The following EPS8 variants were observed in gnomAD, a reference collection of about 807,000 sequenced individuals.
EPS8 encodes the protein EGFR pathway substrate 8, signaling adaptor.
Under a neutral mutation model 103.8 loss-of-function variants are expected in EPS8, and 42 were observed. The observed-to-expected ratio is 0.40, with a 90% CI of 0.32 to 0.52. EPS8 has a LOEUF of 0.52. Ranked by LOEUF, EPS8 falls within the 20% of genes least tolerant of loss-of-function variation. The pLI is 0.40. For missense variants in EPS8, 969 were observed against 1,005.1 expected (o/e 0.96, Z 0.49); for synonymous variants, 344 against 344.6 (o/e 1.00, Z 0.02).
chr12:15,670,870 G>C lies in EPS8; in HGVS notation c.190C>G (p.Gln64Glu). ...AAGCATCTTACTTCAACACGGTATT[G>C]AGATATATCTGACACACTGCTGACA... Reference protein sequence around the residue: ...DSVSSVSDISQYRVEHLTTFV... With the variant: ...DSVSSVSDISEYRVEHLTTFV... Residue 64 changes from glutamine to glutamate, a missense_variant, in exon 4 of 21, where the codon CAA becomes GAA. By Grantham distance (29) the Gln-to-Glu change is conservative. Transcript: ENST00000281172. 6.2e-7 allele frequency: 1 copy of C among 1,610,074 alleles called. No homozygotes were observed. The highest frequency in any genetic ancestry group is 1.1e-5 in the South Asian group (1 of 90,758).
rs12308962 is a variant in EPS8 at position 15,621,779 on chromosome 12, C to A, written c.2356-349G>T. Reference sequence around the variant, plus strand: ...TAAATTATCAAAGGACTCTTTTGGGCTCAAACAAGATACTGATCTGCCTTT... The same window carrying A: ...TAAATTATCAAAGGACTCTTTTGGGATCAAACAAGATACTGATCTGCCTTT... On this transcript the variant is annotated intron_variant, in intron 20 of 20. Transcript: ENST00000281172. Among the ~76,000 whole-genome samples the A allele has an allele frequency of 9.6e-3, 1,461 of 152,176 alleles. 22 individuals carry two copies. Among genetic ancestry groups the A allele is most frequent in the African/African-American group, 0.033 (1,390 of 41,516 alleles).
intron 1 of EPS8, among the ~76,000 whole-genome samples, chr12:15,768,213 G>A (rs1947116577): frequency 6.6e-6 from 1 of 151,984 alleles, no homozygotes; most frequent in Non-Finnish European, 1.5e-5. Flanking sequence ...GCCAAGGCGG[G>A]TGGATCACGA....
chr12:15,624,199 A>T, intron 19 of EPS8, 28 bp downstream of exon 19: 1 of 1,584,414 alleles, frequency 6.3e-7, no homozygotes, highest in Non-Finnish European at 8.7e-7. Context: ...TACACACAGA[A>T]TTGCAAAGTA....
rs763066820 is a variant in EPS8, at chr12:15,774,036, CT to C, written c.-22+15124del. On this transcript the variant is annotated intron_variant, in intron 1 of 20. Transcript: ENST00000281172. ...GCAAATGTCACCAGAAGTGTACAAA[CT>C]AATTTACTGCAGAAAAGCAGGAAAA... 3.3e-5 allele frequency among the ~76,000 whole-genome samples: 5 copies of C among 152,056 alleles called. No individual in the cohort carries two copies. In the East Asian group the frequency reaches 9.7e-4, roughly 29 times the overall value.
At position 15,787,549 on chromosome 12, in the gene EPS8, T is replaced by C. The variant is rs1947323295; in HGVS notation, c.-22+1612A>G. The stretch of plus-strand genomic sequence containing the variant: ...ACTTACTGGAAATTACTATATAATA[T>C]TCAATGACATTGGGAAGTGAAAAAA... On this transcript the variant is annotated intron_variant, in intron 1 of 20. Coordinates refer to ENST00000281172, the MANE Select transcript of EPS8 (RefSeq NM_004447.6). This position sits in a 1 kb window ranked among gnomAD's most constrained non-coding sequence, Gnocchi z 4.9. Among the ~76,000 whole-genome samples, 1 of 152,172 alleles carries C rather than the reference T, an allele frequency of 6.6e-6. No individual in the cohort carries two copies. The highest frequency in any genetic ancestry group is 1.5e-5 in the Non-Finnish European group (1 of 68,016).
chr12:15,624,591 G>A (rs1312811072), intron 18 of EPS8, among the ~76,000 whole-genome samples, 184 bp from the exon 19 acceptor site: 1 of 152,006 alleles, frequency 6.6e-6, no homozygotes, highest in Non-Finnish European at 1.5e-5. Context: ...ATAACTCCCT[G>A]GCTCTTCTCT....
chr12:15,724,571 G>A (rs1946632589), intron 1 of EPS8, among the ~76,000 whole-genome samples: 1 of 152,140 alleles, frequency 6.6e-6, no homozygotes, highest in African/African-American at 2.4e-5. Context: ...TCTCTGATAT[G>A]GTTTGGCTAT....
chr12:15,675,101 C>A (rs1945880999), intron 3 of EPS8, among the ~76,000 whole-genome samples: 1 of 152,148 alleles, frequency 6.6e-6, no homozygotes, highest in African/African-American at 2.4e-5. Flanking sequence ...AATTCAGGAA[C>A]ACTGCTACAA....
At chr12:15,658,196 G>A (rs758648181) in intron 11 of EPS8, 43 bp from the exon 12 acceptor site, 19 of 1,368,942 alleles carry the variant, frequency 1.4e-5, no homozygotes, top group Non-Finnish European at 1.9e-5. Context: ...TATCAAGCAA[G>A]ACAGACACTC....
intron 14 of EPS8, among the ~76,000 whole-genome samples, chr12:15,647,803 T>C (rs1256858946): frequency 2.0e-5 from 3 of 152,154 alleles, no homozygotes; most frequent in Non-Finnish European, 2.9e-5. Context: ...TTGAGGTTCA[T>C]AGGTCCCACT....
intron 17 of EPS8, among the ~76,000 whole-genome samples, chr12:15,632,873 G>T (rs905285037): frequency 1.3e-5 from 2 of 152,116 alleles, no homozygotes; most frequent in Admixed American, 6.6e-5. Context: ...AACCGGTGTG[G>T]GAAGGAGCCC....
In EPS8 at chr12:15,695,175, C is replaced by G. The variant is rs1170688677; in HGVS notation, c.-21-12203G>C. The stretch of plus-strand genomic sequence containing the variant: ...TTGTGCTTTTAACCACTATTATATA[C>G]TTTCCTTTTACTAATGATAAATCCA... On this transcript the variant is annotated intron_variant, in intron 1 of 20. Transcript: ENST00000281172. This position sits in a 1 kb window ranked among gnomAD's most constrained non-coding sequence, Gnocchi z 5.0. 6.6e-6 allele frequency among the ~76,000 whole-genome samples: 1 copy of G among 152,178 alleles called. No homozygotes were observed. The highest frequency in any genetic ancestry group is 1.5e-5 in the Non-Finnish European group (1 of 68,026).
chr12:15,699,371 C>T (rs1177275865), intron 1 of EPS8, among the ~76,000 whole-genome samples: 1 of 152,138 alleles, frequency 6.6e-6, no homozygotes, highest in Non-Finnish European at 1.5e-5. Flanking sequence ...CCTATCTCAG[C>T]TTCGGTTTAC....
At chr12:15,694,203 T>C (rs926113497) in intron 1 of EPS8, among the ~76,000 whole-genome samples, 4 of 152,062 alleles carry the variant, frequency 2.6e-5, no homozygotes, top group Non-Finnish European at 5.9e-5. Context: ...ACTTGAGAGG[T>C]TCAGGTGGAC....
At position 15,751,944 on chromosome 12, in the gene EPS8, A is replaced by C. The variant is rs1163702016; in HGVS notation, c.-22+37217T>G. 1.3e-5 allele frequency among the ~76,000 whole-genome samples: 2 copies of C among 152,136 alleles called. No homozygotes were observed. The highest frequency in any genetic ancestry group is 2.9e-5 in the Non-Finnish European group (2 of 68,032). The stretch of plus-strand genomic sequence containing the variant: ...GTGGAGAGCCAGAAAAGTGTAGAAA[A>C]TCAAGGAGGATTAAGAGATTCTGGG... On this transcript the variant is annotated intron_variant, in intron 1 of 20. Coordinates refer to ENST00000281172, the MANE Select transcript of EPS8 (RefSeq NM_004447.6). This position sits in a 1 kb window ranked among gnomAD's most constrained non-coding sequence, Gnocchi z 4.3.
At chr12:15,627,576 G>A (rs1944971160) in intron 18 of EPS8, among the ~76,000 whole-genome samples, 2 of 152,102 alleles carry the variant, frequency 1.3e-5, no homozygotes, top group South Asian at 4.1e-4. Flanking sequence ...ATTTCAATTA[G>A]TAGAATAATT....
Position 15,761,845 on chromosome 12 carries a change from T to C in EPS8, c.-22+27316A>G, listed in dbSNP as rs1312434032. 2.6e-5 allele frequency among the ~76,000 whole-genome samples: 4 copies of C among 152,040 alleles called. No individual in the cohort carries two copies. The highest frequency in any genetic ancestry group is 1.9e-4 in the East Asian group (1 of 5,186). On this transcript the variant is annotated intron_variant, in intron 1 of 20. Transcript: ENST00000281172. This position sits in a 1 kb window ranked among gnomAD's most constrained non-coding sequence, Gnocchi z 4.5. ...ACTATGAAACTACTACAAGAAAACA[T>C]TGGGGAAACTCTCCAGGACACTGAA...
chr12:15,640,070 T>C (rs983930830), intron 17 of EPS8, among the ~76,000 whole-genome samples: 15 of 152,222 alleles, frequency 9.9e-5, no homozygotes, highest in African/African-American at 3.6e-4. Context: ...CCAGGGTCAC[T>C]GAAATCCTGA....
intron 3 of EPS8, among the ~76,000 whole-genome samples, chr12:15,678,107 T>C (rs889591408): frequency 6.6e-6 from 1 of 152,202 alleles, no homozygotes; most frequent in Non-Finnish European, 1.5e-5. Flanking sequence ...TAGCATGTGA[T>C]AACAGATGCT....
Sources: allele counts gnomAD v4.1 joint callset (sites outside exome capture counted in the v4.1 genomes callset), GRCh38; gene constraint gnomAD v4.1.1; non-coding constraint Gnocchi (gnomAD v3.1); transcripts MANE v1.5; gene names NCBI Gene and HGNC (gene_info 2026-07-23, HGNC 2026-07-21).